KCNH8: variants seen among roughly 807,000 people sequenced by gnomAD.
KCNH8 encodes the protein potassium voltage-gated channel subfamily H member 8.
KCNH8 carries 70 observed loss-of-function variants against 103.6 expected under a neutral mutation model. The observed-to-expected ratio is 0.68, with a 90% CI of 0.56 to 0.82. KCNH8 has a LOEUF of 0.82. Among genes scored for constraint, KCNH8 ranks in the 40% least tolerant of loss-of-function variants. The pLI is 0.00. For missense variants in KCNH8, 1,217 were observed against 1,329.9 expected, an observed-to-expected ratio of 0.92 and a Z score of 1.32; for synonymous variants, 498 against 489.4, an observed-to-expected ratio of 1.02 and a Z score of -0.23.
chr3:19,440,144 GAGTC>G lies in KCNH8; in HGVS notation c.1375+1786_1375+1789del, dbSNP rs558914179. On this transcript the variant is annotated intron_variant, in intron 8 of 15. Transcript: ENST00000328405. ...TTAATACATAAATAAATTTTAATAA[GAGTC>G]AGCAGATTCAAGGGAAGACTTTTCA... Among the ~76,000 whole-genome samples, 189 of 152,220 alleles carry G rather than the reference GAGTC, an allele frequency of 1.2e-3. 6 individuals carry two copies. The highest frequency in any genetic ancestry group is 1.1e-3 in the Non-Finnish European group (76 of 68,002).
At chr3:19,361,392 G>A (rs1329334572) in intron 5 of KCNH8, among the ~76,000 whole-genome samples, 1 of 152,046 alleles carries the variant, frequency 6.6e-6, no homozygotes, top group African/African-American at 2.4e-5. Flanking sequence ...AACATCTCAC[G>A]TCCTTGCCCA....
rs937881635 is a variant in KCNH8, at chr3:19,534,850, A to C, written c.*751A>C. The stretch of plus-strand genomic sequence containing the variant: ...AAATTATTTATTACTAAGAGGATGT[A>C]GTTTCCAAAGGAATCCCCCATTTTT... On this transcript the variant is annotated 3_prime_UTR_variant, in exon 16 of 16. Coordinates refer to ENST00000328405, the MANE Select transcript of KCNH8 (RefSeq NM_144633.3). The C allele has an allele frequency of 6.6e-6, 1 of 152,266 alleles. No homozygotes were observed. Among genetic ancestry groups the C allele is most frequent in the Non-Finnish European group, 1.5e-5 (1 of 68,040 alleles). 9.4% of individuals were successfully genotyped at this position (152,266 alleles called of 1,614,324 possible).
intron 9 of KCNH8, chr3:19,450,524 C>A: frequency 1.8e-6 from 1 of 547,910 alleles, no homozygotes; most frequent in Non-Finnish European, 3.3e-6. Flanking sequence ...TATTAACTTG[C>A]TGCTTATTCG....
At chr3:19,383,772 A>G (rs886115632) in intron 5 of KCNH8, among the ~76,000 whole-genome samples, 2 of 152,194 alleles carry the variant, frequency 1.3e-5, no homozygotes, top group Admixed American at 6.5e-5. Flanking sequence ...GCATGATTGA[A>G]TATTATAGAT....
At chr3:19,250,078 A>C (rs900187268) in intron 1 of KCNH8, among the ~76,000 whole-genome samples, 5 of 152,158 alleles carry the variant, frequency 3.3e-5, no homozygotes, top group Non-Finnish European at 7.4e-5. Context: ...TACAAAAATT[A>C]GCCAGGTGTG....
In KCNH8 at chr3:19,371,692, A is replaced by G. The variant is rs1208110227; in HGVS notation, c.812-18789A>G. ...AGACATGAAGTCCTTGCCCATGCCT[A>G]TGTCCTGAATGGTAATGCCTAGGTT... On this transcript the variant is annotated intron_variant, in intron 5 of 15. Transcript: ENST00000328405. 1.3e-4 allele frequency among the ~76,000 whole-genome samples: 20 copies of G among 151,066 alleles called. 1 individual carries two copies. The East Asian group carries it at 3.5e-3, about 27-fold the overall frequency.
At chr3:19,325,689 T>A (rs943131935) in intron 3 of KCNH8, among the ~76,000 whole-genome samples, 2 of 152,122 alleles carry the variant, frequency 1.3e-5, no homozygotes, top group East Asian at 3.9e-4. Context: ...AAGTAACAGA[T>A]GTTGGTGATG....
At chr3:19,267,339 T>G (rs2064526518) in intron 2 of KCNH8, among the ~76,000 whole-genome samples, 1 of 152,038 alleles carries the variant, frequency 6.6e-6, no homozygotes, top group Non-Finnish European at 1.5e-5. Context: ...AAAGAATACG[T>G]ATTTTACTCT....
intron 1 of KCNH8, among the ~76,000 whole-genome samples, chr3:19,202,082 T>G (rs2063668709): frequency 6.6e-6 from 1 of 152,062 alleles, no homozygotes; most frequent in African/African-American, 2.4e-5. Context: ...ACCAAATTCG[T>G]TGAGTTAGGA....
intron 1 of KCNH8, among the ~76,000 whole-genome samples, chr3:19,207,478 A>T (rs559407533): frequency 2.0e-5 from 3 of 152,074 alleles, no homozygotes; most frequent in South Asian, 4.2e-4. Flanking sequence ...AATAAAGTGG[A>T]TCTGTGGGCC....
At chr3:19,479,854 A>C (rs2068053103) in intron 11 of KCNH8, among the ~76,000 whole-genome samples, 1 of 152,198 alleles carries the variant, frequency 6.6e-6, no homozygotes, top group Admixed American at 6.5e-5. Context: ...GAATAAGATA[A>C]AATATGGAAT....
At chr3:19,430,105 G>C (rs1225507117) in intron 7 of KCNH8, among the ~76,000 whole-genome samples, 1 of 152,022 alleles carries the variant, frequency 6.6e-6, no homozygotes, top group East Asian at 1.9e-4. Flanking sequence ...TGGGTCCAAT[G>C]GTATTTCTGT....
rs1559397156 is a variant in KCNH8, at chr3:19,148,830, T to C, written c.76+35T>C. ...ACACTTGAACGAGTGGTATGGCATT[T>C]TCTGAGACTGATTTTTCTCGTACAC... On this transcript the variant is annotated intron_variant, in intron 1 of 15. Transcript: ENST00000328405. 2.5e-6 allele frequency: 4 copies of C among 1,572,022 alleles called. No individual in the cohort carries two copies. In the African/African-American group the frequency reaches 4.0e-5, roughly 16 times the overall value.
intron 10 of KCNH8, among the ~76,000 whole-genome samples, chr3:19,453,333 G>T (rs1327169662): frequency 6.6e-6 from 1 of 152,082 alleles, no homozygotes; most frequent in Non-Finnish European, 1.5e-5. Flanking sequence ...AACTGCACTT[G>T]TATCCTTTAA....
chr3:19,271,863 C>T (rs1221775939), intron 2 of KCNH8, among the ~76,000 whole-genome samples: 3 of 152,154 alleles, frequency 2.0e-5, no homozygotes, highest in Non-Finnish European at 4.4e-5. Flanking sequence ...CATCTTGACC[C>T]TTCTTTTCTA....
chr3:19,283,163 T>C (rs1231956447), intron 3 of KCNH8, among the ~76,000 whole-genome samples: 1 of 152,174 alleles, frequency 6.6e-6, no homozygotes, highest in African/African-American at 2.4e-5. Flanking sequence ...AGAGAGAGGC[T>C]AGCATGTCGC....
At chr3:19,240,210 C>A (rs1002187493) in intron 1 of KCNH8, among the ~76,000 whole-genome samples, 15 of 151,954 alleles carry the variant, frequency 9.9e-5, no homozygotes, top group Non-Finnish European at 2.9e-5. Flanking sequence ...TTTAAGTTTT[C>A]TGGATTCAGT....
intron 1 of KCNH8, among the ~76,000 whole-genome samples, chr3:19,227,945 T>G (rs909148288): frequency 2.6e-5 from 4 of 152,190 alleles, no homozygotes; most frequent in African/African-American, 4.8e-5. Flanking sequence ...TTATGCACTT[T>G]CATGTATTCC....
At chr3:19,359,919 G>A (rs1229323045) in intron 5 of KCNH8, among the ~76,000 whole-genome samples, 1 of 151,926 alleles carries the variant, frequency 6.6e-6, no homozygotes, top group African/African-American at 2.4e-5. Context: ...CACAGAAAAG[G>A]GAAGATTTTA....
Sources: gnomAD v4.1 joint callset for allele counts (sites outside exome capture counted in the v4.1 genomes callset) on GRCh38, gnomAD v4.1.1 for gene constraint, MANE v1.5 for transcripts, NCBI Gene and HGNC (gene_info 2026-07-23, HGNC 2026-07-21) for gene names.